The following ADAMTS18 variants were observed in gnomAD, a reference collection of about 807,000 sequenced individuals.
ADAMTS18 encodes the protein ADAM metallopeptidase with thrombospondin type 1 motif 18.
Under a neutral mutation model 165.9 loss-of-function variants are expected in ADAMTS18, and 157 were observed. The observed-to-expected ratio is 0.95, with a 90% CI of 0.83 to 1.08. The LOEUF is 1.08. ADAMTS18 is among the 50% of genes least tolerant of loss of function. The pLI, the probability that ADAMTS18 is intolerant of heterozygous loss-of-function variation, is 0.00. For missense variants in ADAMTS18, 2,040 were observed against 1,534.0 expected, an observed-to-expected ratio of 1.33 and a Z score of -5.51; for synonymous variants, 782 against 578.2, an observed-to-expected ratio of 1.35 and a Z score of -5.06.
At chr16:77,417,800 T>C (rs1314400317) in intron 3 of ADAMTS18, among the ~76,000 whole-genome samples, 1 of 152,144 alleles carries the variant, frequency 6.6e-6, no homozygotes, top group East Asian at 1.9e-4. Flanking sequence ...ATACAATAGA[T>C]AGAAAAACCT....
Position 77,335,755 on chromosome 16 carries a change from C to G in ADAMTS18, c.1859+1G>C, listed in dbSNP as rs754289365. On this transcript the variant is annotated splice_donor_variant, in intron 12 of 22. Transcript: ENST00000282849. LOFTEE classifies it high-confidence loss of function. ...AGACTAACTTTCTGCTGGAGGCTTA[C>G]TTGGGGTTATTGCAGTGTCTCTCCT... 2 of 1,614,190 alleles carry G rather than the reference C, an allele frequency of 1.2e-6. No homozygotes were observed. The highest frequency in any genetic ancestry group is 2.2e-5 in the East Asian group (1 of 44,878).
intron 9 of ADAMTS18, 82 bp from the exon 10 acceptor site, chr16:77,353,968 C>A: frequency 6.5e-7 from 1 of 1,529,344 alleles, no homozygotes; most frequent in South Asian, 1.1e-5. Flanking sequence ...TGAATGCATT[C>A]ATGCAAAGAA....
At chr16:77,346,244 T>C (rs1332758658) in intron 10 of ADAMTS18, among the ~76,000 whole-genome samples, 1 of 152,314 alleles carries the variant, frequency 6.6e-6, no homozygotes, top group East Asian at 1.9e-4. Flanking sequence ...ATTTACAACA[T>C]CATTGACTTA....
At chr16:77,396,467 G>C (rs1274479218) in intron 3 of ADAMTS18, among the ~76,000 whole-genome samples, 1 of 152,190 alleles carries the variant, frequency 6.6e-6, no homozygotes, top group East Asian at 1.9e-4. Flanking sequence ...TTATGAACCA[G>C]TTTCACATGA....
intron 8 of ADAMTS18, among the ~76,000 whole-genome samples, chr16:77,358,777 A>G (rs1427463734): frequency 6.6e-6 from 1 of 152,206 alleles, no homozygotes; most frequent in Non-Finnish European, 1.5e-5. Flanking sequence ...TATTTTGTAA[A>G]GTATTATACT....
At chr16:77,408,976 A>G (rs889910265) in intron 3 of ADAMTS18, among the ~76,000 whole-genome samples, 8 of 152,026 alleles carry the variant, frequency 5.3e-5, no homozygotes, top group African/African-American at 1.7e-4. Context: ...CACTTGTTCT[A>G]TTTTATTATT....
At chr16:77,332,527 A>G (rs188214402) in intron 12 of ADAMTS18, among the ~76,000 whole-genome samples, 8 of 152,284 alleles carry the variant, frequency 5.3e-5, no homozygotes, top group African/African-American at 1.4e-4. Context: ...TTTTTTATAC[A>G]TAAACCCAAG....
At chr16:77,294,430 C>T (rs549803333) in intron 19 of ADAMTS18, among the ~76,000 whole-genome samples, 2 of 151,702 alleles carry the variant, frequency 1.3e-5, no homozygotes, top group East Asian at 1.9e-4. Context: ...GAGCTGTGAA[C>T]GACAAGGTAG....
At chr16:77,373,163 T>C (rs1256319226) in intron 3 of ADAMTS18, among the ~76,000 whole-genome samples, 2 of 152,196 alleles carry the variant, frequency 1.3e-5, no homozygotes, top group Non-Finnish European at 2.9e-5. Context: ...AAACACCATC[T>C]TCTCAGAGAA....
At chr16:77,313,486 T>TA (rs35955033) in intron 16 of ADAMTS18, among the ~76,000 whole-genome samples, 78 of 146,240 alleles carry the variant, frequency 5.3e-4, no homozygotes, top group Admixed American at 1.1e-3. Context: ...ACTCAAGGTT[T>TA]AAAAAAAAAA....
chr16:77,356,336 G>T (rs2056629739), intron 8 of ADAMTS18, among the ~76,000 whole-genome samples: 2 of 152,176 alleles, frequency 1.3e-5, no homozygotes, highest in African/African-American at 4.8e-5. Context: ...TGTTTTATGG[G>T]CTGGAAAATT....
chr16:77,433,049 CTCTT>C, intron 2 of ADAMTS18, among the ~76,000 whole-genome samples: 1 of 152,140 alleles, frequency 6.6e-6, no homozygotes, highest in East Asian at 1.9e-4. Context: ...TTTTTCCCCT[CTCTT>C]AACCTTGAAA....
At chr16:77,355,202 T>TTTTGTGTGTGTG (rs1555517724) in intron 9 of ADAMTS18, among the ~76,000 whole-genome samples, 1 of 146,598 alleles carries the variant, frequency 6.8e-6, no homozygotes, top group African/African-American at 2.5e-5. Context: ...AAAGGTAGGA[T>TTTTGTGTGTGTG]TGTGTGTGTG....
intron 3 of ADAMTS18, among the ~76,000 whole-genome samples, chr16:77,370,390 A>G (rs867737096): frequency 1.3e-5 from 2 of 152,326 alleles, no homozygotes; most frequent in Admixed American, 6.5e-5. Flanking sequence ...GAGTTGTAGG[A>G]CGCAAAAATC....
At chr16:77,407,257 C>T (rs565617911) in intron 3 of ADAMTS18, among the ~76,000 whole-genome samples, 1 of 151,970 alleles carries the variant, frequency 6.6e-6, no homozygotes, top group Non-Finnish European at 1.5e-5. Context: ...ATAAAAATAT[C>T]AAACAGGCAC....
chr16:77,391,207 A>G (rs1241414073), intron 3 of ADAMTS18, among the ~76,000 whole-genome samples: 1 of 152,152 alleles, frequency 6.6e-6, no homozygotes, highest in Admixed American at 6.6e-5. Flanking sequence ...TGTTTTATAT[A>G]AGACTAAAAG....
Position 77,434,760 on chromosome 16 carries a change from G to A in ADAMTS18, c.-65C>T, listed in dbSNP as rs973937975. On this transcript the variant is annotated 5_prime_UTR_variant, in exon 1 of 23. Transcript: ENST00000282849. ...GGCAGGCGGAGCGCACGGGCGGCGC[G>A]CATTCTTTCCGCGGCCCCGGAGCTC... 4 of 1,295,636 alleles carry A rather than the reference G, an allele frequency of 3.1e-6. No homozygotes were observed. In the African/African-American group the frequency reaches 4.7e-5, roughly 15 times the overall value. The allele number at this position is 1,295,636 out of a possible 1,614,324, so 80.3% of individuals were successfully genotyped here. A position where few individuals can be genotyped will look rare whatever the true frequency, so the allele number is the denominator to read the frequency against.
chr16:77,399,388 C>G (rs1277915095), intron 3 of ADAMTS18, among the ~76,000 whole-genome samples: 1 of 152,182 alleles, frequency 6.6e-6, no homozygotes, highest in East Asian at 1.9e-4. Context: ...GAACTAGACA[C>G]TTCTTTTTCA....
intron 3 of ADAMTS18, among the ~76,000 whole-genome samples, chr16:77,402,857 C>T (rs947961242): frequency 1.3e-5 from 2 of 152,164 alleles, no homozygotes; most frequent in Admixed American, 1.3e-4. Flanking sequence ...GTTGAATGCC[C>T]TGAATTTTTT....
Sources: gnomAD v4.1 joint callset for allele counts (sites outside exome capture counted in the v4.1 genomes callset) on GRCh38, gnomAD v4.1.1 for gene constraint, MANE v1.5 for transcripts, NCBI Gene and HGNC (gene_info 2026-07-23, HGNC 2026-07-21) for gene names.